The following GADL1 variants were observed in gnomAD, a reference collection of about 807,000 sequenced individuals.
GADL1 encodes the protein GAD like acidic amino acid decarboxylase 1, also known as acidic amino acid decarboxylase GADL1.
A neutral mutation model predicts 69.5 loss-of-function variants in GADL1; 71 were observed. That is an observed-to-expected ratio of 1.02 (90% CI 0.84 to 1.25). The LOEUF is 1.25. Ranked by LOEUF, GADL1 falls within the 50% of genes most tolerant of loss-of-function variation. The pLI, the probability that GADL1 is intolerant of heterozygous loss-of-function variation, is 0.00. For missense variants in GADL1, 737 were observed against 631.8 expected (o/e 1.17, Z -1.79); for synonymous variants, 254 against 214.4 (o/e 1.18, Z -1.62).
chr3:30,891,688 C>T (rs1698789963), intron 1 of GADL1, among the ~76,000 whole-genome samples: 1 of 152,048 alleles, frequency 6.6e-6, no homozygotes. Context: ...AATAGTATCC[C>T]CATTGACTTG....
chr3:30,808,984 CGGT>C, intron 11 of GADL1, among the ~76,000 whole-genome samples: 1 of 152,188 alleles, frequency 6.6e-6, no homozygotes, highest in East Asian at 1.9e-4. Flanking sequence ...AGTGACTAAA[CGGT>C]GGTGGAGAGT....
intron 2 of GADL1, among the ~76,000 whole-genome samples, chr3:30,860,107 C>G (rs1468672018): frequency 7.2e-5 from 11 of 151,798 alleles, no homozygotes; most frequent in Non-Finnish European, 1.2e-4. Context: ...CTTTCTCTTC[C>G]CCTGCCACTG....
intron 14 of GADL1, among the ~76,000 whole-genome samples, chr3:30,746,851 C>T (rs1455673106): frequency 6.6e-6 from 1 of 152,016 alleles, no homozygotes; most frequent in East Asian, 1.9e-4. Flanking sequence ...TCTATAAATT[C>T]AATGTTGTAT....
intron 5 of GADL1, 126 bp from the exon 6 acceptor site, chr3:30,850,237 A>C (rs1698128927): frequency 1.5e-6 from 1 of 660,026 alleles, no homozygotes; most frequent in Non-Finnish European, 2.7e-6. Flanking sequence ...CGTGAAAAGC[A>C]CATGAACACC....
intron 11 of GADL1, among the ~76,000 whole-genome samples, chr3:30,819,851 G>A (rs566763995): frequency 6.6e-6 from 1 of 151,942 alleles, no homozygotes; most frequent in African/African-American, 2.4e-5. Context: ...AAATATATTT[G>A]AGAAAATATT....
chr3:30,794,684 G>A (rs1336110759), intron 12 of GADL1, among the ~76,000 whole-genome samples: 1 of 152,110 alleles, frequency 6.6e-6, no homozygotes, highest in Non-Finnish European at 1.5e-5. Flanking sequence ...AAGCCTTAGA[G>A]GTCTCCTAGG....
rs1295199657 is a variant in GADL1, at chr3:30,726,923, G to T, written c.*1319C>A. 6.6e-6 allele frequency: 1 copy of T among 152,482 alleles called. No homozygotes were observed. The highest frequency in any genetic ancestry group is 2.4e-5 in the African/African-American group (1 of 41,402). The allele number at this position is 152,482 out of a possible 1,614,324, so 9.4% of individuals were successfully genotyped here. A position where few individuals can be genotyped will look rare whatever the true frequency, so the allele number is the denominator to read the frequency against. On this transcript the variant is annotated 3_prime_UTR_variant, in exon 15 of 15. Transcript: ENST00000282538. ...GAAAGTCTGCTGAATCCCAGATTCTGTAATATAAACCACTTAATAATCTAT... is the reference window on the plus strand; with the variant it reads ...GAAAGTCTGCTGAATCCCAGATTCTTTAATATAAACCACTTAATAATCTAT...
chr3:30,849,568 T>G (rs1262736998), intron 6 of GADL1, among the ~76,000 whole-genome samples: 2 of 152,040 alleles, frequency 1.3e-5, no homozygotes, highest in East Asian at 3.9e-4. Flanking sequence ...GTTTTCATTG[T>G]TACTGTATAT....
rs141980394 is a variant in GADL1 at position 30,887,949 on chromosome 3, A to G, written c.37+6629T>C. Among the ~76,000 whole-genome samples, 12 of 152,320 alleles carry G rather than the reference A, an allele frequency of 7.9e-5. No individual in the cohort carries two copies. The East Asian group carries it at 2.1e-3, about 27-fold the overall frequency. ...GTTTCAGGTCCCCTATGGATACCAAAACCCGAGGCTGCTCAAGTCCCTTAC... is the reference window on the plus strand; with the variant it reads ...GTTTCAGGTCCCCTATGGATACCAAGACCCGAGGCTGCTCAAGTCCCTTAC... On this transcript the variant is annotated intron_variant, in intron 1 of 14. Coordinates refer to ENST00000282538, the MANE Select transcript of GADL1 (RefSeq NM_207359.3).
At chr3:30,844,160 T>TGC (rs765771872) in intron 8 of GADL1, 50 bp downstream of exon 8, 133 of 1,429,610 alleles carry the variant, frequency 9.3e-5, no homozygotes, top group Non-Finnish European at 1.3e-4. Context: ...CGCGCGGGCG[T>TGC]GCGCGCACAC....
At chr3:30,743,922 G>C (rs149515747) in intron 14 of GADL1, among the ~76,000 whole-genome samples, 1 of 152,232 alleles carries the variant, frequency 6.6e-6, no homozygotes, top group Non-Finnish European at 1.5e-5. Flanking sequence ...TGCAAGAATA[G>C]CATTTCCCAG....
intron 14 of GADL1, among the ~76,000 whole-genome samples, chr3:30,751,827 T>C (rs1233519335): frequency 6.6e-6 from 1 of 152,216 alleles, no homozygotes; most frequent in Non-Finnish European, 1.5e-5. Flanking sequence ...AAGCTTTTTT[T>C]GTCTCTGACT....
chr3:30,816,086 G>A (rs1414661704), intron 11 of GADL1, among the ~76,000 whole-genome samples: 1 of 152,124 alleles, frequency 6.6e-6, no homozygotes, highest in Admixed American at 6.5e-5. Context: ...AACTTGCCAG[G>A]CCTGCACTGG....
rs551400232 is a variant in GADL1, at chr3:30,761,161, T to C, written c.1392+17018A>G. ...TCTTTATATTGTATGCTTTATTTAC[T>C]TTAATAAAATTCCAGCTTTCCTCTA... On this transcript the variant is annotated intron_variant, in intron 14 of 14. Transcript: ENST00000282538. Among the ~76,000 whole-genome samples, 30 of 152,356 alleles carry C rather than the reference T, an allele frequency of 2.0e-4. No individual in the cohort carries two copies. The East Asian group carries it at 5.6e-3, about 28-fold the overall frequency.
intron 14 of GADL1, among the ~76,000 whole-genome samples, chr3:30,775,817 C>T (rs879651508): frequency 4.6e-5 from 7 of 152,182 alleles, no homozygotes; most frequent in Non-Finnish European, 1.0e-4. Flanking sequence ...GCACTACAGG[C>T]TGGGTGCGGT....
At chr3:30,810,847 G>T (rs754920118) in intron 11 of GADL1, among the ~76,000 whole-genome samples, 1 of 152,224 alleles carries the variant, frequency 6.6e-6, no homozygotes, top group East Asian at 1.9e-4. Flanking sequence ...CACGCAAAAT[G>T]AGAGGGGGAG....
At chr3:30,811,836 TACTCAAGGCCAAAAAACC>T (rs1697361718) in intron 11 of GADL1, among the ~76,000 whole-genome samples, 1 of 152,220 alleles carries the variant, frequency 6.6e-6, no homozygotes, top group Non-Finnish European at 1.5e-5. Flanking sequence ...GCAGGGTTCC[TACTCAAGGCCAAAAAACC>T]AGAATTTTCA....
At chr3:30,877,392 CT>C (rs1470033827) in intron 1 of GADL1, among the ~76,000 whole-genome samples, 1 of 151,832 alleles carries the variant, frequency 6.6e-6, no homozygotes, top group Non-Finnish European at 1.5e-5. Context: ...CTAAAATTCT[CT>C]TTTTTGTGCC....
At chr3:30,754,935 T>C (rs6770599) in intron 14 of GADL1, among the ~76,000 whole-genome samples, 14,209 of 152,112 alleles carry the variant, frequency 0.093, 1,843 homozygotes, top group African/African-American at 0.29. Context: ...AATGGTCAAA[T>C]ATTGAAAAAC....
Sources: gnomAD v4.1 joint callset for allele counts (sites outside exome capture counted in the v4.1 genomes callset) on GRCh38, gnomAD v4.1.1 for gene constraint, MANE v1.5 for transcripts, NCBI Gene and HGNC (gene_info 2026-07-23, HGNC 2026-07-21) for gene names.